The following FAM210A variants were observed in gnomAD, a reference collection of about 807,000 sequenced individuals.
FAM210A encodes mitochondrial inner membrane scaffold 1.
Under a neutral mutation model 25.3 loss-of-function variants are expected in FAM210A, and 13 were observed. The ratio of observed to expected loss-of-function variants is 0.51; its 90% CI spans 0.33 to 0.82. The LOEUF (loss-of-function observed/expected upper bound fraction) is 0.82. Ranked by LOEUF, FAM210A falls within the 40% of genes least tolerant of loss-of-function variation. FAM210A has a pLI of 0.02. For missense variants in FAM210A, 319 were observed against 323.2 expected (o/e 0.99, Z 0.10); for synonymous variants, 125 against 118.7 (o/e 1.05, Z -0.35).
At chr18:13,676,175 A>T (rs1455640583) in intron 2 of FAM210A, among the ~76,000 whole-genome samples, 5 of 3,994 alleles carry the variant, frequency 1.3e-3, no homozygotes, top group Admixed American at 3.8e-3. Context: ...CCCCGACTTC[A>T]TTTCCAGTTT....
Position 13,681,774 on chromosome 18 carries a change from C to A in FAM210A, c.304G>T (p.Ala102Ser), listed in dbSNP as rs769622172. Residue 102 changes from alanine (A) to serine (S), a missense_variant, in exon 2 of 4, where the codon GCT (alanine) becomes TCT (serine). Physicochemically the swap from Ala to Ser is moderately conservative, Grantham distance 99 (BLOSUM62 1). Coordinates refer to ENST00000651643, the MANE Select transcript of FAM210A (RefSeq NM_152352.4). Reference protein sequence around the residue: ...FRRVFSSSATAQGTPEKKEEP... With the variant: ...FRRVFSSSATSQGTPEKKEEP... The stretch of plus-strand genomic sequence containing the variant: ...TCCTTTTTTTCCGGAGTTCCCTGAG[C>A]TGTGGCACTGGATGAAAAAACCCTC... The A allele has an allele frequency of 6.2e-7, 1 of 1,614,058 alleles. No individual in the cohort carries two copies. Among genetic ancestry groups the A allele is most frequent in the African/African-American group, 1.3e-5 (1 of 74,906 alleles).
At chr18:13,670,301 G>T (rs75685831) in intron 3 of FAM210A, among the ~76,000 whole-genome samples, 2,709 of 152,124 alleles carry the variant, frequency 0.018, 30 homozygotes, top group Middle Eastern at 0.061. Context: ...TGACTTACTC[G>T]GGTTAAAATT....
intron 1 of FAM210A, among the ~76,000 whole-genome samples, chr18:13,720,502 C>T (rs903306290): frequency 6.6e-6 from 1 of 152,150 alleles, no homozygotes; most frequent in Non-Finnish European, 1.5e-5. Flanking sequence ...CTACACTACT[C>T]CAGTGGACCC....
intron 1 of FAM210A, among the ~76,000 whole-genome samples, chr18:13,714,772 A>T (rs1331151786): frequency 6.6e-6 from 1 of 152,188 alleles, no homozygotes; most frequent in Non-Finnish European, 1.5e-5. Context: ...ACCATTAAAG[A>T]GCTACAAAAA....
intron 1 of FAM210A, among the ~76,000 whole-genome samples, chr18:13,712,599 G>C (rs2043830405): frequency 6.6e-6 from 1 of 152,094 alleles, no homozygotes; most frequent in South Asian, 2.1e-4. Context: ...AGACTCAAGA[G>C]AGCTCATGGA....
intron 1 of FAM210A, among the ~76,000 whole-genome samples, chr18:13,686,032 T>C (rs1179519481): frequency 6.6e-6 from 1 of 152,052 alleles, no homozygotes; most frequent in Non-Finnish European, 1.5e-5. Context: ...CCTAGTTCTT[T>C]GGGGAAAAAA....
In FAM210A at chr18:13,681,796, C is replaced by T. The variant is rs1366251016; in HGVS notation, c.282G>A (p.Arg94=). The change falls in exon 2 of 4, where the codon AGG becomes AGA. Residue 94 remains arginine (R), a synonymous_variant. Transcript: ENST00000651643. ...KQGKQHVSFR[R]VFSSSATAQG... ...GAGCTGTGGCACTGGATGAAAAAAC[C>T]CTCCTGAATGAAACATGTTGCTTCC... is the stretch of plus-strand genomic sequence containing the variant. 3.7e-6 allele frequency: 6 copies of T among 1,614,150 alleles called. No homozygotes were observed. Among genetic ancestry groups the T allele is most frequent in the Non-Finnish European group, 5.1e-6 (6 of 1,180,022 alleles).
chr18:13,713,725 AACACACAC>A (rs55691136), intron 1 of FAM210A, among the ~76,000 whole-genome samples: 4 of 141,898 alleles, frequency 2.8e-5, no homozygotes, highest in Non-Finnish European at 6.1e-5. Flanking sequence ...GTCACTATAA[AACACACAC>A]ACACACACAC....
intron 1 of FAM210A, among the ~76,000 whole-genome samples, chr18:13,694,068 C>T (rs1381490793): frequency 2.0e-5 from 3 of 152,146 alleles, no homozygotes; most frequent in African/African-American, 4.8e-5. Flanking sequence ...ACAAGCATTC[C>T]TATACACCAA....
intron 3 of FAM210A, among the ~76,000 whole-genome samples, chr18:13,668,307 C>A (rs776748698): frequency 6.6e-6 from 1 of 152,214 alleles, no homozygotes; most frequent in Non-Finnish European, 1.5e-5. Flanking sequence ...TGGCTCCAGG[C>A]CCTCAACTTG....
At chr18:13,712,756 G>A (rs2043831540) in intron 1 of FAM210A, among the ~76,000 whole-genome samples, 1 of 152,118 alleles carries the variant, frequency 6.6e-6, no homozygotes, top group African/African-American at 2.4e-5. Context: ...CTGTTTATGA[G>A]CCACCCAGTT....
intron 1 of FAM210A, among the ~76,000 whole-genome samples, chr18:13,721,722 G>C (rs1376450300): frequency 6.6e-6 from 1 of 152,160 alleles, no homozygotes. Context: ...GGGACCCACT[G>C]TGAGGAGAAC....
chr18:13,707,674 C>T (rs2043789520), intron 1 of FAM210A, among the ~76,000 whole-genome samples: 1 of 152,228 alleles, frequency 6.6e-6, no homozygotes. Context: ...ACATTTGAGT[C>T]CTTGTGGATG....
intron 3 of FAM210A, among the ~76,000 whole-genome samples, chr18:13,668,509 C>G (rs1029685205): frequency 6.6e-6 from 1 of 152,214 alleles, no homozygotes; most frequent in African/African-American, 2.4e-5. Flanking sequence ...AACTTTTCCC[C>G]TGAATTCCAG....
chr18:13,677,822 A>G (rs1266847755), intron 2 of FAM210A, among the ~76,000 whole-genome samples: 2 of 152,110 alleles, frequency 1.3e-5, no homozygotes, highest in African/African-American at 2.4e-5. Context: ...ATCTATTATG[A>G]TAACGGTAGC....
At chr18:13,725,978 T>C (rs45442796) in intron 1 of FAM210A, among the ~76,000 whole-genome samples, 16,130 of 152,206 alleles carry the variant, frequency 0.11, 933 homozygotes, top group South Asian at 0.14. Flanking sequence ...TTAAAAACCA[T>C]TCCGAACGCG....
intron 1 of FAM210A, chr18:13,715,159 C>T (rs932621285): frequency 6.6e-6 from 1 of 152,016 alleles, no homozygotes; most frequent in African/African-American, 2.4e-5. Flanking sequence ...CGTGTGATCC[C>T]ACTACTGATC....
intron 2 of FAM210A, among the ~76,000 whole-genome samples, chr18:13,677,903 G>C (rs1044955511): frequency 6.6e-6 from 1 of 152,104 alleles, no homozygotes; most frequent in Non-Finnish European, 1.5e-5. Flanking sequence ...ATAATACTAA[G>C]CAGTCAGGGA....
At chr18:13,700,323 T>G (rs908911829) in intron 1 of FAM210A, among the ~76,000 whole-genome samples, 7 of 152,248 alleles carry the variant, frequency 4.6e-5, no homozygotes, top group Admixed American at 4.6e-4. Context: ...CCAGGATGCA[T>G]GCACTGGTGC....
Sources: gnomAD v4.1 joint callset for allele counts (sites outside exome capture counted in the v4.1 genomes callset) on GRCh38, gnomAD v4.1.1 for gene constraint, MANE v1.5 for transcripts, NCBI Gene and HGNC (gene_info 2026-07-23, HGNC 2026-07-21) for gene names.